Variants in NUBPL observed in about 807,000 individuals in gnomAD.
The protein encoded by NUBPL is NUBP iron-sulfur cluster assembly factor, mitochondrial.
In NUBPL, 31 loss-of-function variants were observed where a neutral mutation model predicts 45.7. The observed-to-expected ratio is 0.68, with a 90% CI of 0.51 to 0.92. NUBPL has a LOEUF of 0.92. Ranked by LOEUF, NUBPL falls within the 40% of genes least tolerant of loss-of-function variation. NUBPL has a pLI of 0.00. For missense variants in NUBPL, 401 were observed against 398.7 expected (o/e 1.01, Z -0.05); for synonymous variants, 144 against 140.9 (o/e 1.02, Z -0.15).
chr14:31,820,161 A>AG (rs1252894232), intron 7 of NUBPL, among the ~76,000 whole-genome samples: 5 of 148,832 alleles, frequency 3.4e-5, no homozygotes, highest in African/African-American at 1.2e-4. Context: ...AAAGAAAAAG[A>AG]AAAAAATATT....
intron 6 of NUBPL, among the ~76,000 whole-genome samples, chr14:31,707,996 G>A (rs2037491574): frequency 6.6e-6 from 1 of 152,170 alleles, no homozygotes; most frequent in Admixed American, 6.5e-5. Context: ...AAAGAAACTG[G>A]GAGTCAGAGT....
chr14:31,708,800 T>C (rs1011651416), intron 6 of NUBPL, among the ~76,000 whole-genome samples: 5 of 152,212 alleles, frequency 3.3e-5, no homozygotes, highest in African/African-American at 1.2e-4. Context: ...GATCATCTGG[T>C]TGGGGGCCTC....
chr14:31,590,517 A>G (rs1337396343), intron 3 of NUBPL, among the ~76,000 whole-genome samples: 1 of 152,202 alleles, frequency 6.6e-6, no homozygotes, highest in Non-Finnish European at 1.5e-5. Context: ...TGCTCTGTTC[A>G]TATCTGATCT....
intron 4 of NUBPL, among the ~76,000 whole-genome samples, chr14:31,650,066 T>G (rs932959981): frequency 6.6e-6 from 1 of 151,870 alleles, no homozygotes; most frequent in Non-Finnish European, 1.5e-5. Flanking sequence ...GCCATGCTGG[T>G]CAGGCTGGTC....
intron 4 of NUBPL, among the ~76,000 whole-genome samples, chr14:31,605,141 CA>C (rs1226372259): frequency 6.6e-6 from 1 of 152,128 alleles, no homozygotes; most frequent in Non-Finnish European, 1.5e-5. Flanking sequence ...CAAATAGTGT[CA>C]AATTCAGATT....
intron 7 of NUBPL, among the ~76,000 whole-genome samples, chr14:31,825,639 T>TCTCTCTC: frequency 8.7e-6 from 1 of 115,374 alleles, no homozygotes. Flanking sequence ...CCTCCTCCCC[T>TCTCTCTC]CTTTCTCCTT....
intron 7 of NUBPL, among the ~76,000 whole-genome samples, chr14:31,797,725 T>G (rs1458845411): frequency 4.8e-5 from 7 of 145,508 alleles, no homozygotes; most frequent in Admixed American, 1.4e-4. Context: ...GAGCATTTAG[T>G]CCATTTACAT....
chr14:31,790,679 ATCTC>A (rs2039364684), intron 7 of NUBPL, among the ~76,000 whole-genome samples: 1 of 151,740 alleles, frequency 6.6e-6, no homozygotes, highest in Admixed American at 6.6e-5. Context: ...GTGAAACCCC[ATCTC>A]TACTAAAAAT....
Position 31,859,524 on chromosome 14 carries a change from T to C in NUBPL, c.*344T>C, listed in dbSNP as rs572496732. Reference sequence around the variant, plus strand: ...TTTTGCAGGACCACAGAATTAGTAATTTAAATGATATACTAAATTTGTGTA... The same window carrying C: ...TTTTGCAGGACCACAGAATTAGTAACTTAAATGATATACTAAATTTGTGTA... On this transcript the variant is annotated 3_prime_UTR_variant, in exon 11 of 11. Transcript: ENST00000281081. 1.2e-3 allele frequency: 422 copies of C among 353,174 alleles called. 3 individuals carry two copies. Among genetic ancestry groups the C allele is most frequent in the South Asian group, 3.4e-3 (142 of 41,798 alleles). The allele number at this position is 353,174 out of a possible 1,614,324, so 21.9% of individuals were successfully genotyped here.
chr14:31,664,534 C>T lies in NUBPL; in HGVS notation c.383-8821C>T, dbSNP rs139292344. Among the ~76,000 whole-genome samples, 336 of 152,172 alleles carry T rather than the reference C, an allele frequency of 2.2e-3. 1 individual carries two copies. Among genetic ancestry groups the T allele is most frequent in the Middle Eastern group, 0.01 (3 of 294 alleles). The stretch of plus-strand genomic sequence containing the variant: ...TTGGTTCTGTTTATGTGATGGCTTA[C>T]GTTTATTGATTTGTGTATGTTGAAC... On this transcript the variant is annotated intron_variant, in intron 4 of 10. Transcript: ENST00000281081.
At chr14:31,825,622 T>C (rs1234503789) in intron 7 of NUBPL, among the ~76,000 whole-genome samples, 1 of 140,434 alleles carries the variant, frequency 7.1e-6, no homozygotes, top group Non-Finnish European at 1.5e-5. Flanking sequence ...CTTCTTCTCC[T>C]CCTCCTCCTC....
At chr14:31,766,526 C>A (rs1595601686) in intron 6 of NUBPL, among the ~76,000 whole-genome samples, 1 of 152,174 alleles carries the variant, frequency 6.6e-6, no homozygotes, top group Non-Finnish European at 1.5e-5. Flanking sequence ...TTAAACTTCA[C>A]CTGTCTTATC....
intron 3 of NUBPL, among the ~76,000 whole-genome samples, chr14:31,598,073 A>G (rs2034330329): frequency 6.6e-6 from 1 of 151,924 alleles, no homozygotes; most frequent in South Asian, 2.1e-4. Flanking sequence ...TATCCTTCCT[A>G]TTTTTCTCAT....
intron 6 of NUBPL, among the ~76,000 whole-genome samples, chr14:31,749,489 T>G (rs1005274208): frequency 6.6e-6 from 1 of 152,150 alleles, no homozygotes; most frequent in Non-Finnish European, 1.5e-5. Context: ...GTTTGGCAGT[T>G]TATTTTGTTT....
intron 4 of NUBPL, among the ~76,000 whole-genome samples, chr14:31,658,634 T>G: frequency 6.6e-6 from 1 of 151,990 alleles, no homozygotes; most frequent in African/African-American, 2.4e-5. Flanking sequence ...CACCTCAGCC[T>G]CCTGAGTAGC....
chr14:31,645,288 G>A (rs956145297), intron 4 of NUBPL, among the ~76,000 whole-genome samples: 13 of 151,832 alleles, frequency 8.6e-5, no homozygotes, highest in African/African-American at 2.7e-4. Context: ...GGATGGTCTC[G>A]ATCTCCTGAC....
Position 31,826,633 on chromosome 14 carries a change from T to A in NUBPL, c.612T>A (p.Ala204=). 6.2e-7 allele frequency: 1 copy of A among 1,613,988 alleles called. No homozygotes were observed. Among genetic ancestry groups the A allele is most frequent in the Non-Finnish European group, 8.5e-7 (1 of 1,179,828 alleles). ...ATTTTGTTTATCTTTGGCTAGGTGCTGTGATTGTCTCCACGCCCCAGGACA... is the reference window on the plus strand; with the variant it reads ...ATTTTGTTTATCTTTGGCTAGGTGCAGTGATTGTCTCCACGCCCCAGGACA... ...SVSQNIPITG[A]VIVSTPQDIA... The change falls in exon 8 of 11, where the codon GCT becomes GCA. Residue 204 remains alanine (A), a synonymous_variant. Coordinates refer to ENST00000281081, the MANE Select transcript of NUBPL (RefSeq NM_025152.3).
intron 6 of NUBPL, among the ~76,000 whole-genome samples, chr14:31,766,597 C>T (rs1323472846): frequency 1.3e-5 from 2 of 152,164 alleles, no homozygotes; most frequent in African/African-American, 2.4e-5. Flanking sequence ...TAAACAACTG[C>T]TGTCGGCCAC....
chr14:31,605,435 G>A (rs1470090037), intron 4 of NUBPL, among the ~76,000 whole-genome samples: 3 of 152,158 alleles, frequency 2.0e-5, no homozygotes, highest in Non-Finnish European at 4.4e-5. Flanking sequence ...TTACTAAAAT[G>A]GATATGTCAA....
Sources: gnomAD v4.1 joint callset for allele counts (sites outside exome capture counted in the v4.1 genomes callset) on GRCh38, gnomAD v4.1.1 for gene constraint, MANE v1.5 for transcripts, NCBI Gene and HGNC (gene_info 2026-07-23, HGNC 2026-07-21) for gene names.